The following ANO3 variants were observed in gnomAD, a reference collection of about 807,000 sequenced individuals.
ANO3 encodes anoctamin-3.
A neutral mutation model predicts 144.8 loss-of-function variants in ANO3; 99 were observed. The observed-to-expected ratio is 0.68, with a 90% CI of 0.58 to 0.81. The LOEUF is 0.81. Ranked by LOEUF, ANO3 falls within the 30% of genes least tolerant of loss-of-function variation. ANO3 has a pLI of 0.00. For missense variants in ANO3, 905 were observed against 1,202.2 expected (o/e 0.75, Z 3.66); for synonymous variants, 414 against 392.6 (o/e 1.05, Z -0.64).
intron 1 of ANO3, among the ~76,000 whole-genome samples, chr11:26,421,256 A>G (rs1857743903): frequency 6.6e-6 from 1 of 152,104 alleles, no homozygotes; most frequent in South Asian, 2.1e-4. Context: ...TAAAATGGCT[A>G]CATAGCTCAA....
chr11:26,215,539 C>T (rs1433011450), intron 1 of ANO3, among the ~76,000 whole-genome samples: 1 of 151,858 alleles, frequency 6.6e-6, no homozygotes, highest in African/African-American at 2.4e-5. Flanking sequence ...CTTCCCCGAT[C>T]CACAATGAAC....
intron 1 of ANO3, among the ~76,000 whole-genome samples, chr11:26,283,345 T>C (rs1197440697): frequency 1.2e-5 from 1 of 84,830 alleles, no homozygotes; most frequent in African/African-American, 4.7e-5. Context: ...TATATATATA[T>C]ATATATATAT....
intron 14 of ANO3, among the ~76,000 whole-genome samples, chr11:26,592,485 C>G (rs7126479): frequency 1.1e-3 from 172 of 151,046 alleles, no homozygotes; most frequent in African/African-American, 4.0e-3. Context: ...ACCTCTTGGG[C>G]CTTTTCTGTC....
At chr11:26,266,113 C>G (rs1853301536) in intron 1 of ANO3, among the ~76,000 whole-genome samples, 2 of 152,088 alleles carry the variant, frequency 1.3e-5, no homozygotes, top group Admixed American at 6.5e-5. Flanking sequence ...ATATTTACGC[C>G]AGAACCTATC....
chr11:26,445,474 T>A (rs1419883053), intron 3 of ANO3, among the ~76,000 whole-genome samples: 1 of 152,206 alleles, frequency 6.6e-6, no homozygotes, highest in Non-Finnish European at 1.5e-5. Flanking sequence ...CTTAACATAA[T>A]TGGATGCTCG....
intron 1 of ANO3, chr11:26,427,330 CT>C (rs1211931991): frequency 1.3e-5 from 2 of 152,846 alleles, no homozygotes; most frequent in African/African-American, 4.8e-5. Context: ...AAGAATGACT[CT>C]GTTAGCTGTC....
chr11:26,373,646 G>C (rs1257919589), intron 1 of ANO3, among the ~76,000 whole-genome samples: 1 of 152,114 alleles, frequency 6.6e-6, no homozygotes, highest in Non-Finnish European at 1.5e-5. Flanking sequence ...TCCTCAACAA[G>C]TTGCAGATAT....
intron 1 of ANO3, among the ~76,000 whole-genome samples, chr11:26,217,085 A>ATTTTT (rs1402890469): frequency 1.3e-5 from 2 of 151,896 alleles, no homozygotes; most frequent in Non-Finnish European, 2.9e-5. Context: ...CAACTAATCA[A>ATTTTT]TTTTTTTCTT....
chr11:26,657,540 A>G (rs1402355668), intron 26 of ANO3, among the ~76,000 whole-genome samples: 1 of 152,128 alleles, frequency 6.6e-6, no homozygotes, highest in Non-Finnish European at 1.5e-5. Context: ...GTCATCATTG[A>G]TCCATGTAAT....
chr11:26,528,027 A>G (rs1849209365), intron 7 of ANO3, among the ~76,000 whole-genome samples: 1 of 152,124 alleles, frequency 6.6e-6, no homozygotes, highest in Admixed American at 6.6e-5. Flanking sequence ...GGATTGTAGC[A>G]AATAAACCTA....
chr11:26,514,669 A>G (rs1276414610), intron 5 of ANO3, among the ~76,000 whole-genome samples: 2 of 152,100 alleles, frequency 1.3e-5, no homozygotes, highest in Non-Finnish European at 2.9e-5. Flanking sequence ...AGTTGGTGCA[A>G]CACTGGTAGC....
At chr11:26,412,604 C>T (rs1359423860) in intron 1 of ANO3, among the ~76,000 whole-genome samples, 1 of 151,998 alleles carries the variant, frequency 6.6e-6, no homozygotes, top group African/African-American at 2.4e-5. Flanking sequence ...GAATGTAAAG[C>T]ACTGACCAAA....
chr11:26,289,749 CTATATGTGTATATATAT>C lies in ANO3; in HGVS notation c.155-19895_155-19879del, dbSNP rs1353389859. Among the ~76,000 whole-genome samples the C allele has an allele frequency of 3.3e-3, 410 of 125,520 alleles. 1 individual carries two copies. The highest frequency in any genetic ancestry group is 0.017 in the East Asian group (74 of 4,292). The allele number at this position is 125,520 out of a possible 152,430, so 82.3% of individuals were successfully genotyped here. On this transcript the variant is annotated intron_variant, in intron 1 of 27. Coordinates refer to the ANO3 transcript ENST00000672621. The stretch of plus-strand genomic sequence containing the variant: ...TATATTCTATATGTGTATATATATT[CTATATGTGTATATATAT>C]GTATACATATGTATAATGCCAGTAT...
chr11:26,426,264 C>G (rs1857917264), intron 1 of ANO3, among the ~76,000 whole-genome samples: 1 of 151,936 alleles, frequency 6.6e-6, no homozygotes, highest in East Asian at 1.9e-4. Flanking sequence ...GACAATGAAG[C>G]TTTTGTTGTT....
chr11:26,332,355 G>T (rs746157592), intron 1 of ANO3, 34 bp downstream of exon 1: 38 of 1,610,066 alleles, frequency 2.4e-5, no homozygotes, highest in Non-Finnish European at 2.7e-5. Context: ...CTCCCTGCGG[G>T]CGTCACTTCC....
intron 1 of ANO3, among the ~76,000 whole-genome samples, chr11:26,321,098 A>T (rs1030096830): frequency 8.6e-5 from 13 of 152,042 alleles, no homozygotes; most frequent in African/African-American, 3.1e-4. Flanking sequence ...CTGTTTTCTC[A>T]TTTATTACAT....
rs144443295 is a variant in ANO3, at chr11:26,563,466, C to A, written c.1447+3687C>A. On this transcript the variant is annotated intron_variant, in intron 14 of 26. Transcript: ENST00000256737. ...GTACTATTTGGGATATATGGGCAAA[C>A]GTATTTGTTGATAAAACCACACTTC... 4.1e-3 allele frequency among the ~76,000 whole-genome samples: 609 copies of A among 149,224 alleles called. 2 individuals carry two copies. The highest frequency in any genetic ancestry group is 0.014 in the African/African-American group (566 of 40,466).
intron 1 of ANO3, among the ~76,000 whole-genome samples, chr11:26,254,657 G>C (rs994498744): frequency 2.6e-5 from 4 of 152,090 alleles, no homozygotes; most frequent in African/African-American, 4.8e-5. Flanking sequence ...ATATCAACTT[G>C]AGACATGATA....
intron 7 of ANO3, among the ~76,000 whole-genome samples, chr11:26,529,190 ATATATAAT>A (rs1244551908): frequency 1.1e-3 from 1 of 936 alleles, no homozygotes; most frequent in African/African-American, 1.4e-3. Context: ...AATATATATT[ATATATAAT>A]TATATAATAT....
Sources: gnomAD v4.1 joint callset for allele counts (sites outside exome capture counted in the v4.1 genomes callset) on GRCh38, gnomAD v4.1.1 for gene constraint, MANE v1.5 for transcripts, NCBI Gene and HGNC (gene_info 2026-07-23, HGNC 2026-07-21) for gene names.